Variants in FAM174A observed in about 807,000 individuals in gnomAD.
The protein encoded by FAM174A is membrane protein FAM174A.
In FAM174A, 14 loss-of-function variants were observed where a neutral mutation model predicts 14.3. That is an observed-to-expected ratio of 0.98 (90% CI 0.65 to 1.53). The LOEUF is 1.53. Ranked by LOEUF, FAM174A falls within the 40% of genes most tolerant of loss-of-function variation. FAM174A has a pLI of 0.00. For synonymous variants in FAM174A, 108 were observed against 111.4 expected, an observed-to-expected ratio of 0.97 and a Z score of 0.19; for missense variants, 241 against 249.6, an observed-to-expected ratio of 0.97 and a Z score of 0.23.
intron 1 of FAM174A, among the ~76,000 whole-genome samples, chr5:100,561,318 T>G (rs1011364646): frequency 5.3e-5 from 8 of 151,990 alleles, no homozygotes; most frequent in African/African-American, 1.9e-4. Context: ...AAAGACAGGT[T>G]TCTGGGCCCC....
chr5:100,568,143 G>A (rs938534910), intron 2 of FAM174A, among the ~76,000 whole-genome samples: 1 of 151,886 alleles, frequency 6.6e-6, no homozygotes, highest in African/African-American at 2.4e-5. Context: ...TCATCAATAT[G>A]TAATGATGAT....
At chr5:100,558,217 G>T (rs1223488776) in intron 1 of FAM174A, among the ~76,000 whole-genome samples, 7 of 152,156 alleles carry the variant, frequency 4.6e-5, no homozygotes, top group Admixed American at 3.9e-4. Flanking sequence ...TTCAGGAGCA[G>T]GTTGTTCAGT....
At chr5:100,577,457 A>G (rs907493078) in intron 2 of FAM174A, among the ~76,000 whole-genome samples, 1 of 152,112 alleles carries the variant, frequency 6.6e-6, no homozygotes, top group African/African-American at 2.4e-5. Context: ...TTTGTGCTCA[A>G]TGCGATACTT....
At chr5:100,581,287 C>A in intron 2 of FAM174A, 2 of 744,016 alleles carry the variant, frequency 2.7e-6, no homozygotes, top group Non-Finnish European at 1.6e-6. Flanking sequence ...ATCACCTCTC[C>A]AGAGAGTAGG....
intron 1 of FAM174A, among the ~76,000 whole-genome samples, chr5:100,537,082 A>C (rs1745955870): frequency 6.6e-6 from 1 of 152,210 alleles, no homozygotes; most frequent in African/African-American, 2.4e-5. Context: ...ACTGCTTGTC[A>C]AGTTTTGGTG....
chr5:100,571,185 A>G (rs1007251430), intron 2 of FAM174A, among the ~76,000 whole-genome samples: 2 of 151,460 alleles, frequency 1.3e-5, no homozygotes, highest in African/African-American at 4.8e-5. Context: ...TGTCTTTTAT[A>G]TTATCTTTAT....
At chr5:100,546,916 A>G (rs781196175) in intron 1 of FAM174A, among the ~76,000 whole-genome samples, 8 of 152,092 alleles carry the variant, frequency 5.3e-5, no homozygotes, top group African/African-American at 1.4e-4. Context: ...CTTGTGATCT[A>G]CTATGACTTG....
chr5:100,536,002 G>A, intron 1 of FAM174A, 38 bp downstream of exon 1: 2 of 1,514,966 alleles, frequency 1.3e-6, no homozygotes, highest in Non-Finnish European at 1.8e-6. Flanking sequence ...CCGTGGGCCT[G>A]AGATACGCAG....
At chr5:100,577,929 G>A (rs1746934468) in intron 2 of FAM174A, among the ~76,000 whole-genome samples, 1 of 152,034 alleles carries the variant, frequency 6.6e-6, no homozygotes, top group South Asian at 2.1e-4. Context: ...TGAAGGCATG[G>A]ATTCTAAGGC....
chr5:100,564,390 A>G (rs1158747046), intron 2 of FAM174A, among the ~76,000 whole-genome samples: 1 of 151,868 alleles, frequency 6.6e-6, no homozygotes, highest in Non-Finnish European at 1.5e-5. Context: ...CATTGCTAGG[A>G]GAGAAGTTTA....
intron 1 of FAM174A, among the ~76,000 whole-genome samples, chr5:100,553,104 CAT>C (rs1440418900): frequency 1.3e-5 from 2 of 151,962 alleles, no homozygotes; most frequent in Non-Finnish European, 2.9e-5. Flanking sequence ...TGTCAACACA[CAT>C]ATAGATGAGT....
chr5:100,583,769 G>A (rs1470083024), intron 2 of FAM174A, among the ~76,000 whole-genome samples: 1 of 152,026 alleles, frequency 6.6e-6, no homozygotes, highest in Non-Finnish European at 1.5e-5. Flanking sequence ...TGCACTTGAT[G>A]GCTCTCAAGT....
intron 2 of FAM174A, among the ~76,000 whole-genome samples, chr5:100,581,645 A>T (rs1355440135): frequency 6.6e-6 from 1 of 152,168 alleles, no homozygotes; most frequent in East Asian, 1.9e-4. Flanking sequence ...TGGGCATATA[A>T]ATAAGAATGC....
chr5:100,573,730 A>G (rs1746842301), intron 2 of FAM174A, among the ~76,000 whole-genome samples: 1 of 150,330 alleles, frequency 6.7e-6, no homozygotes, highest in Non-Finnish European at 1.5e-5. Context: ...AACTACTTTA[A>G]AGTTCATATG....
In FAM174A at chr5:100,561,634, A is replaced by G. The variant is rs145716501; in HGVS notation, c.435-420A>G. Among the ~76,000 whole-genome samples, 779 of 152,068 alleles carry G rather than the reference A, an allele frequency of 5.1e-3. 9 individuals carry two copies. The highest frequency in any genetic ancestry group is 0.017 in the African/African-American group (723 of 41,528). ...CTATCAGTTTAGTCTGTGAATATGC[A>G]TATACATACAGTTTCTTAGAGGGGC... On this transcript the variant is annotated intron_variant, in intron 1 of 2. Coordinates refer to ENST00000312637, the MANE Select transcript of FAM174A (RefSeq NM_198507.3).
chr5:100,552,225 C>G (rs1248795795), intron 1 of FAM174A, among the ~76,000 whole-genome samples: 2 of 152,046 alleles, frequency 1.3e-5, no homozygotes, highest in Non-Finnish European at 2.9e-5. Flanking sequence ...AATTTTTATT[C>G]ATTTATGTTT....
intron 2 of FAM174A, among the ~76,000 whole-genome samples, chr5:100,562,541 C>T (rs1746550484): frequency 6.6e-6 from 1 of 151,286 alleles, no homozygotes; most frequent in African/African-American, 2.4e-5. Context: ...AGCCTAGGAC[C>T]CATTAACTTC....
chr5:100,567,900 T>G (rs1437426103), intron 2 of FAM174A, among the ~76,000 whole-genome samples: 1 of 151,988 alleles, frequency 6.6e-6, no homozygotes, highest in African/African-American at 2.4e-5. Flanking sequence ...GTTAATGACT[T>G]TTCCCCTCCA....
chr5:100,558,994 T>G (rs1490688438), intron 1 of FAM174A, among the ~76,000 whole-genome samples: 1 of 152,188 alleles, frequency 6.6e-6, no homozygotes, highest in Non-Finnish European at 1.5e-5. Flanking sequence ...TGTTAGCTGG[T>G]TATTCTGCTC....
Sources: gnomAD v4.1 joint callset for allele counts (sites outside exome capture counted in the v4.1 genomes callset) on GRCh38, gnomAD v4.1.1 for gene constraint, MANE v1.5 for transcripts, NCBI Gene and HGNC (gene_info 2026-07-23, HGNC 2026-07-21) for gene names.